The following DAO variants were observed in gnomAD, a reference collection of about 807,000 sequenced individuals.
The protein encoded by DAO is D-amino-acid oxidase.
Under a neutral mutation model 50.1 loss-of-function variants are expected in DAO, and 51 were observed. The ratio of observed to expected loss-of-function variants is 1.02; its 90% CI spans 0.81 to 1.29. The LOEUF (loss-of-function observed/expected upper bound fraction) is 1.29. Ranked by LOEUF, DAO falls within the 50% of genes most tolerant of loss-of-function variation. The pLI, the probability that DAO is intolerant of heterozygous loss-of-function variation, is 0.00. For missense variants in DAO, 436 were observed against 439.4 expected (o/e 0.99, Z 0.07); for synonymous variants, 160 against 166.2 (o/e 0.96, Z 0.29).
rs866034301 is a variant in DAO at position 108,885,203 on chromosome 12, G to A, written c.194+3G>A. 6.2e-7 allele frequency: 1 copy of A among 1,611,682 alleles called. No individual in the cohort carries two copies. The highest frequency in any genetic ancestry group is 8.5e-7 in the Non-Finnish European group (1 of 1,179,768). ...GACCCCAACAACCCACAGGAGGCGT[G>A]AGTGAGGGTCACATAGGGTAGCCTG... On this transcript the variant is annotated splice_donor_region_variant and intron_variant, in intron 2 of 10. Coordinates refer to ENST00000228476, the MANE Select transcript of DAO (RefSeq NM_001917.5).
chr12:108,889,645 C>A, intron 4 of DAO, 100 bp downstream of exon 4: 1 of 928,434 alleles, frequency 1.1e-6, no homozygotes, highest in Non-Finnish European at 1.7e-6. Flanking sequence ...TCCTGTCCTA[C>A]CCAGGCCCTG....
chr12:108,892,857 C>T (rs1482785197), intron 5 of DAO, 125 bp from the exon 6 acceptor site: 2 of 827,970 alleles, frequency 2.4e-6, no homozygotes, highest in East Asian at 2.5e-5. Context: ...GCCATCTTCT[C>T]AAGCAGCATC....
chr12:108,885,156 C>T lies in DAO; in HGVS notation c.150C>T (p.Gly50=). ...TCACCACCACCGACGTGGCTGCCGG[C>T]CTCTGGCAGCCCTACCTTTCTGACC... ...TPLTTTDVAA[G]LWQPYLSDPN... The change falls in exon 2 of 11, where the codon GGC becomes GGT. Residue 50 remains glycine, a synonymous_variant. Transcript: ENST00000228476. 1.9e-6 allele frequency: 3 copies of T among 1,612,356 alleles called. No homozygotes were observed. Among genetic ancestry groups the T allele is most frequent in the Non-Finnish European group, 2.5e-6 (3 of 1,179,458 alleles).
Position 108,887,551 on chromosome 12 carries a change from A to G in DAO, c.296A>G (p.His99Arg), listed in dbSNP as rs2039448557. The G allele has an allele frequency of 1.9e-6, 3 of 1,612,608 alleles. No individual in the cohort carries two copies. Among genetic ancestry groups the G allele is most frequent in the Non-Finnish European group, 1.7e-6 (2 of 1,178,648 alleles). ...CTAATCTCGGGCTACAACCTCTTCC[A>G]TGAAGCCATTCCGGTGGGTGAACAG... ...LFLISGYNLFHEAIPDPSWKD... is the reference protein window; with the variant it reads ...LFLISGYNLFREAIPDPSWKD... The change falls in exon 3 of 11, where the codon CAT becomes CGT. Residue 99 changes from histidine (H) to arginine (R), a missense_variant. His to Arg is a conservative substitution (Grantham distance 29, BLOSUM62 0). Transcript: ENST00000228476.
Position 108,900,638 on chromosome 12 carries a change from TCCTC to T in DAO, c.*104_*107del. 3.3e-6 allele frequency: 5 copies of T among 1,528,124 alleles called. No individual in the cohort carries two copies. Among genetic ancestry groups the T allele is most frequent in the Non-Finnish European group, 4.5e-6 (5 of 1,118,072 alleles). 94.7% of individuals were successfully genotyped at this position (1,528,124 alleles called of 1,614,324 possible). A position where few individuals can be genotyped will look rare whatever the true frequency, so the allele number is the denominator to read the frequency against. On this transcript the variant is annotated 3_prime_UTR_variant, in exon 11 of 11. Coordinates refer to ENST00000228476, the MANE Select transcript of DAO (RefSeq NM_001917.5). ...AGCCATTGCTTCTCCCTCACTTCTT[TCCTC>T]AAAGAAGCATGAGGTGAGAGAAAGC... is the stretch of plus-strand genomic sequence containing the variant.
chr12:108,897,946 CA>C (rs56246314), intron 8 of DAO, among the ~76,000 whole-genome samples: 23,356 of 128,960 alleles, frequency 0.18, 2,411 homozygotes, highest in Admixed American at 0.39. Context: ...GACCCCATCT[CA>C]AAAAAAAAAA....
intron 1 of DAO, among the ~76,000 whole-genome samples, chr12:108,881,374 C>G (rs796476348): frequency 3.3e-5 from 5 of 151,656 alleles, no homozygotes; most frequent in African/African-American, 1.2e-4. Context: ...AGCTCATTAC[C>G]TACACGCATG....
chr12:108,890,221 C>A lies in DAO; in HGVS notation c.400C>A (p.His134Asn), dbSNP rs2039476679. The A allele has an allele frequency of 2.5e-6, 4 of 1,613,032 alleles. No homozygotes were observed. The highest frequency in any genetic ancestry group is 1.7e-5 in the Admixed American group (1 of 59,980). Reference protein sequence around the residue: ...MFPDYGYGWFHTSLILEGKNY... With the variant: ...MFPDYGYGWFNTSLILEGKNY... ...CTGTGACTCTAGCTATGGCTGGTTC[C>A]ACACAAGCCTAATTCTGGAGGGAAA... Residue 134 changes from histidine (H) to asparagine (N), a missense_variant, in exon 5 of 11, where the codon CAC becomes AAC. By Grantham distance (68) the His-to-Asn change is moderately conservative (BLOSUM62 1). Coordinates refer to ENST00000228476, the MANE Select transcript of DAO (RefSeq NM_001917.5).
chr12:108,898,729 A>G lies in DAO; in HGVS notation c.746A>G (p.Glu249Gly), dbSNP rs762173925. Reference sequence around the variant, plus strand: ...ATCTTCCAGTTGGGAAACTGGAGTGAACTAAACAATATCCAGGACCACAAC... The same window carrying G: ...ATCTTCCAGTTGGGAAACTGGAGTGGACTAAACAATATCCAGGACCACAAC... ...GGIFQLGNWS[E>G]LNNIQDHNTI... The change falls in exon 9 of 11, where the codon GAA becomes GGA. Residue 249 changes from glutamate (E) to glycine (G), a missense_variant. Glu to Gly is a moderately conservative substitution (Grantham distance 98, BLOSUM62 -2). Transcript: ENST00000228476. 1 of 1,614,070 alleles carries G rather than the reference A, an allele frequency of 6.2e-7. No homozygotes were observed. Among genetic ancestry groups the G allele is most frequent in the East Asian group, 2.2e-5 (1 of 44,876 alleles).
chr12:108,881,692 C>A (rs1310224749), intron 1 of DAO, among the ~76,000 whole-genome samples: 3 of 150,138 alleles, frequency 2.0e-5, no homozygotes, highest in African/African-American at 4.9e-5. Flanking sequence ...GCAATCTCCA[C>A]CTCCCAGGTT....
Position 108,900,657 on chromosome 12 carries a change from T to C in DAO, c.*122T>C. 6.9e-7 allele frequency: 1 copy of C among 1,443,250 alleles called. No homozygotes were observed. The highest frequency in any genetic ancestry group is 9.5e-7 in the Non-Finnish European group (1 of 1,054,804). 89.4% of individuals were successfully genotyped at this position (1,443,250 alleles called of 1,614,324 possible). A position where few individuals can be genotyped will look rare whatever the true frequency, so the allele number is the denominator to read the frequency against. The stretch of plus-strand genomic sequence containing the variant: ...CTTCTTTCCTCAAAGAAGCATGAGG[T>C]GAGAGAAAGCCACAAAGTCAGTGCC... On this transcript the variant is annotated 3_prime_UTR_variant, in exon 11 of 11. Transcript: ENST00000228476.
chr12:108,895,652 ATG>A (rs559580973), intron 7 of DAO, among the ~76,000 whole-genome samples: 62 of 137,854 alleles, frequency 4.5e-4, no homozygotes, highest in African/African-American at 1.6e-3. Flanking sequence ...ATGTGTGTGC[ATG>A]TGTGTGAGGG....
At chr12:108,889,090 A>G (rs1342904332) in intron 3 of DAO, among the ~76,000 whole-genome samples, 1 of 149,870 alleles carries the variant, frequency 6.7e-6, no homozygotes, top group Non-Finnish European at 1.5e-5. Flanking sequence ...TTAGCATTAC[A>G]TAAGTCTCTG....
intron 10 of DAO, 138 bp downstream of exon 10, chr12:108,899,613 C>T (rs919694165): frequency 1.3e-6 from 1 of 760,132 alleles, no homozygotes; most frequent in Non-Finnish European, 2.3e-6. Context: ...CTAATATCCC[C>T]TCCTCTATAA....
At chr12:108,894,397 T>C in intron 7 of DAO, 30 bp downstream of exon 7, 1 of 1,504,570 alleles carries the variant, frequency 6.6e-7, no homozygotes, top group Non-Finnish European at 9.2e-7. Flanking sequence ...CCCTACCTTT[T>C]GTTAATAGGA....
chr12:108,898,879 A>G, intron 9 of DAO, 83 bp downstream of exon 9: 1 of 865,004 alleles, frequency 1.2e-6, no homozygotes. Context: ...GGAAGATGCC[A>G]CCGCTGGGAT....
intron 2 of DAO, among the ~76,000 whole-genome samples, chr12:108,886,782 C>T (rs978154430): frequency 1.3e-5 from 2 of 152,014 alleles, no homozygotes; most frequent in African/African-American, 4.8e-5. Flanking sequence ...TTAATTCACA[C>T]AGCTGTAAAA....
rs1262790601 is a variant in DAO at position 108,890,231 on chromosome 12, T to C, written c.410T>C (p.Leu137Pro). The change falls in exon 5 of 11, where the codon CTA becomes CCA. Residue 137 changes from leucine to proline, a missense_variant. Coordinates refer to ENST00000228476, the MANE Select transcript of DAO (RefSeq NM_001917.5). ...AGCTATGGCTGGTTCCACACAAGCC[T>C]AATTCTGGAGGGAAAGAACTATCTA... ...DYGYGWFHTSLILEGKNYLQW... is the reference protein window; with the variant it reads ...DYGYGWFHTSPILEGKNYLQW... 6.2e-7 allele frequency: 1 copy of C among 1,613,692 alleles called. No individual in the cohort carries two copies. Among genetic ancestry groups the C allele is most frequent in the African/African-American group, 1.3e-5 (1 of 74,914 alleles).
At chr12:108,900,233 G>C (rs2039606677) in intron 10 of DAO, 171 bp from the exon 11 acceptor site, 1 of 719,110 alleles carries the variant, frequency 1.4e-6, no homozygotes, top group Non-Finnish European at 2.4e-6. Context: ...TCTTGCAACT[G>C]TTCCAGGGGG....
Sources: allele counts gnomAD v4.1 joint callset (sites outside exome capture counted in the v4.1 genomes callset), GRCh38; gene constraint gnomAD v4.1.1; transcripts MANE v1.5; gene names NCBI Gene and HGNC (gene_info 2026-07-23, HGNC 2026-07-21).